The following CNGB3 variants were observed in gnomAD, a reference collection of about 807,000 sequenced individuals.
The protein encoded by CNGB3 is cyclic nucleotide gated channel subunit beta 3, also known as cyclic nucleotide-gated channel beta-3.
Under a neutral mutation model 92.8 loss-of-function variants are expected in CNGB3, and 86 were observed. That is an observed-to-expected ratio of 0.93 (90% CI 0.78 to 1.11). The LOEUF (loss-of-function observed/expected upper bound fraction) is 1.11, where lower values mean the gene tolerates loss of function less well. CNGB3 is among the 50% of genes least tolerant of loss of function. The pLI is 0.00. For synonymous variants in CNGB3, 333 were observed against 332.7 expected, an observed-to-expected ratio of 1.00 and a Z score of -0.01; for missense variants, 1,026 against 956.8, an observed-to-expected ratio of 1.07 and a Z score of -0.95.
intron 15 of CNGB3, among the ~76,000 whole-genome samples, chr8:86,600,904 A>G (rs1240139459): frequency 2.0e-5 from 3 of 148,048 alleles, no homozygotes; most frequent in African/African-American, 7.5e-5. Context: ...TGTTGGGATT[A>G]CAGGCGTGAG....
At chr8:86,725,365 TC>T (rs1236591704) in intron 3 of CNGB3, among the ~76,000 whole-genome samples, 2 of 152,122 alleles carry the variant, frequency 1.3e-5, no homozygotes, top group Non-Finnish European at 2.9e-5. Flanking sequence ...ATAATGATGA[TC>T]CACTAATAGG....
rs370442622 is a variant in CNGB3, at chr8:86,647,903, A to G, written c.904-16T>C. 9.0e-6 allele frequency: 13 copies of G among 1,440,382 alleles called. No homozygotes were observed. Among genetic ancestry groups the G allele is most frequent in the African/African-American group, 5.6e-5 (4 of 71,198 alleles). The allele number at this position is 1,440,382 out of a possible 1,614,324, so 89.2% of individuals were successfully genotyped here. A position where few individuals can be genotyped will look rare whatever the true frequency, so the allele number is the denominator to read the frequency against. The stretch of plus-strand genomic sequence containing the variant: ...CGACATCCAACTGTTGAAAGAACAC[A>G]TTCACAAATATGTTGTGTTTACATG... On this transcript the variant is annotated splice_polypyrimidine_tract_variant and intron_variant, in intron 7 of 17. Coordinates refer to ENST00000320005, the MANE Select transcript of CNGB3 (RefSeq NM_019098.5).
chr8:86,686,082 T>C (rs1366275844), intron 3 of CNGB3, among the ~76,000 whole-genome samples: 1 of 152,038 alleles, frequency 6.6e-6, no homozygotes, highest in African/African-American at 2.4e-5. Flanking sequence ...CACCATATGG[T>C]ACTATAACAT....
intron 1 of CNGB3, among the ~76,000 whole-genome samples, chr8:86,740,839 C>T (rs1021128843): frequency 2.0e-5 from 3 of 151,918 alleles, no homozygotes; most frequent in South Asian, 2.1e-4. Context: ...TTTATATGAA[C>T]GTAGCTAGAA....
At chr8:86,666,777 T>A in intron 6 of CNGB3, 148 bp downstream of exon 6, 1 of 728,024 alleles carries the variant, frequency 1.4e-6, no homozygotes, top group Non-Finnish European at 2.4e-6. Flanking sequence ...GTTTTATAAT[T>A]GTTTTCTTGT....
chr8:86,670,669 C>T lies in CNGB3; in HGVS notation c.493+275G>A, dbSNP rs180800048. On this transcript the variant is annotated intron_variant, in intron 4 of 17. Coordinates refer to ENST00000320005, the MANE Select transcript of CNGB3 (RefSeq NM_019098.5). The stretch of plus-strand genomic sequence containing the variant: ...GCTCAAGCAATCCTCCTGTCTTGGT[C>T]TCCCAAAGTGCTGGGATTATAGATG... Among the ~76,000 whole-genome samples, 111 of 152,202 alleles carry T rather than the reference C, an allele frequency of 7.3e-4. No individual in the cohort carries two copies. The East Asian group carries it at 0.015, about 20-fold the overall frequency.
At chr8:86,698,975 C>T (rs75171488) in intron 3 of CNGB3, among the ~76,000 whole-genome samples, 9 of 152,144 alleles carry the variant, frequency 5.9e-5, no homozygotes, top group Non-Finnish European at 1.3e-4. Flanking sequence ...GAAAACAAGT[C>T]GGAGACCCGT....
At chr8:86,576,272 G>T in intron 17 of CNGB3, 142 bp from the exon 18 acceptor site, 1 of 919,208 alleles carries the variant, frequency 1.1e-6, no homozygotes, top group Non-Finnish European at 1.7e-6. Flanking sequence ...TGTCTGCTTT[G>T]CTTCTGACTA....
chr8:86,640,842 C>T (rs1476111458), intron 10 of CNGB3, among the ~76,000 whole-genome samples: 1 of 151,988 alleles, frequency 6.6e-6, no homozygotes, highest in East Asian at 1.9e-4. Flanking sequence ...GTTTAGTTCA[C>T]ATTAATTTAC....
chr8:86,579,451 A>G (rs534494641), intron 15 of CNGB3, among the ~76,000 whole-genome samples, 199 bp from the exon 16 acceptor site: 1 of 152,096 alleles, frequency 6.6e-6, no homozygotes, highest in African/African-American at 2.4e-5. Flanking sequence ...TTTTTCTCTA[A>G]CTCTCACCTC....
rs184787223 is a variant in CNGB3 at position 86,579,383 on chromosome 8, G to A, written c.1782-131C>T. The A allele has an allele frequency of 3.2e-4, 347 of 1,071,428 alleles. 1 individual carries two copies. The East Asian group carries it at 8.3e-3, about 26-fold the overall frequency. The allele number at this position is 1,071,428 out of a possible 1,614,324, so 66.4% of individuals were successfully genotyped here. On this transcript the variant is annotated intron_variant, in intron 15 of 17. Transcript: ENST00000320005. ...TCATTCCCTAGAGGTGAGGGTCCAG[G>A]TGATTGTGCAGAGAGTGTCAAGATG...
intron 6 of CNGB3, chr8:86,658,025 C>A: frequency 1.8e-6 from 1 of 545,954 alleles, no homozygotes; most frequent in Non-Finnish European, 3.5e-6. Context: ...TTCAGGTCCA[C>A]CTTCTCCTGC....
At chr8:86,578,899 C>G in intron 16 of CNGB3, 36 bp from the exon 17 acceptor site, 2 of 1,613,604 alleles carry the variant, frequency 1.2e-6, no homozygotes, top group South Asian at 1.1e-5. Context: ...TTAGGTAACT[C>G]TGTGAGAGTT....
At chr8:86,660,650 ATG>A in intron 6 of CNGB3, 1 of 533,438 alleles carries the variant, frequency 1.9e-6, no homozygotes, top group South Asian at 1.4e-5. Context: ...TATTTGCATA[ATG>A]ACCAATTCTT....
At chr8:86,726,940 G>A (rs777567119) in intron 2 of CNGB3, among the ~76,000 whole-genome samples, 9 of 152,120 alleles carry the variant, frequency 5.9e-5, no homozygotes, top group Admixed American at 4.6e-4. Flanking sequence ...AAACATCATA[G>A]AGTGTACTTA....
intron 15 of CNGB3, chr8:86,594,695 T>TTTTGTTTG (rs59438172): frequency 0.38 from 63,199 of 166,530 alleles, 12,822 homozygotes; most frequent in Admixed American, 0.5. Context: ...TAGACAGCTT[T>TTTTGTTTG]TTTGTTTGTT....
At chr8:86,590,676 C>T (rs1163410465) in intron 15 of CNGB3, among the ~76,000 whole-genome samples, 1 of 149,012 alleles carries the variant, frequency 6.7e-6, no homozygotes, top group Non-Finnish European at 1.5e-5. Context: ...CCCCCACTCT[C>T]TTCTGGCTTG....
At chr8:86,625,895 C>T (rs759226604) in intron 13 of CNGB3, 88 bp downstream of exon 13, 15 of 1,086,336 alleles carry the variant, frequency 1.4e-5, no homozygotes, top group Non-Finnish European at 1.8e-5. Flanking sequence ...AAACATAAGG[C>T]AAAAAAACTC....
chr8:86,646,511 T>G (rs9297941), intron 8 of CNGB3, among the ~76,000 whole-genome samples: 45,324 of 150,936 alleles, frequency 0.3, 8,576 homozygotes, highest in Middle Eastern at 0.47. Context: ...TCTCATTTTC[T>G]TCGTCTCTAA....
Sources: allele counts gnomAD v4.1 joint callset (sites outside exome capture counted in the v4.1 genomes callset), GRCh38; gene constraint gnomAD v4.1.1; transcripts MANE v1.5; gene names NCBI Gene and HGNC (gene_info 2026-07-23, HGNC 2026-07-21).